Variants in OTOF observed in about 807,000 individuals in gnomAD.
OTOF encodes the protein otoferlin.
OTOF carries 218 observed loss-of-function variants against 236.8 expected under a neutral mutation model. The ratio of observed to expected loss-of-function variants is 0.92; its 90% confidence interval spans 0.82 to 1.03. The LOEUF (loss-of-function observed/expected upper bound fraction) is 1.03, where lower values mean the gene tolerates loss of function less well. Among genes scored for constraint, OTOF ranks in the 50% least tolerant of loss-of-function variants. The probability of loss-of-function intolerance (pLI) is 0.00; values close to 1 mark genes in which losing one functional copy is unlikely to be tolerated. For synonymous variants in OTOF, 1,041 were observed against 1,072.5 expected, an observed-to-expected ratio of 0.97 and a Z score of 0.57; for missense variants, 2,590 against 2,694.4, an observed-to-expected ratio of 0.96 and a Z score of 0.86.
At chr2:26,551,684 G>C (rs1013836979) in intron 1 of OTOF, among the ~76,000 whole-genome samples, 8 of 152,184 alleles carry the variant, frequency 5.3e-5, no homozygotes, top group African/African-American at 1.9e-4. Flanking sequence ...TCAACAGAAC[G>C]AGTGGATAAA....
chr2:26,494,663 G>T (rs984585587), intron 9 of OTOF, among the ~76,000 whole-genome samples: 64 of 142,560 alleles, frequency 4.5e-4, no homozygotes, highest in Admixed American at 1.2e-3. Context: ...GGGTGGGGGG[G>T]GGTTCTTTCA....
At chr2:26,503,669 A>C in intron 6 of OTOF, 103 bp downstream of exon 6, 1 of 989,528 alleles carries the variant, frequency 1.0e-6, no homozygotes, top group South Asian at 1.3e-5. Context: ...CCCTGGGACG[A>C]CCTATCCCAG....
intron 1 of OTOF, among the ~76,000 whole-genome samples, chr2:26,544,421 G>T (rs1667281168): frequency 6.6e-6 from 1 of 152,158 alleles, no homozygotes; most frequent in Non-Finnish European, 1.5e-5. Context: ...TCATATAAAA[G>T]GTATCCTACA....
Position 26,484,717 on chromosome 2 carries a change from G to A in OTOF, c.1046-84C>T. ...GCTCAGGGCAGGCCAAGGGGTGGCA[G>A]AACCAAATGCTGTCTTGGTCCCTAG... On this transcript the variant is annotated intron_variant, in intron 11 of 46. Coordinates refer to ENST00000272371, the MANE Select transcript of OTOF (RefSeq NM_194248.3). 11 of 1,420,796 alleles carry A rather than the reference G, an allele frequency of 7.7e-6. No homozygotes were observed. In the South Asian group the frequency reaches 1.3e-4, roughly 17 times the overall value. 88.0% of individuals were successfully genotyped at this position (1,420,796 alleles called of 1,614,324 possible). A position where few individuals can be genotyped will look rare whatever the true frequency, so the allele number is the denominator to read the frequency against.
At chr2:26,468,190 C>T (rs998114762) in intron 33 of OTOF, among the ~76,000 whole-genome samples, 4 of 152,214 alleles carry the variant, frequency 2.6e-5, no homozygotes, top group Admixed American at 6.5e-5. Context: ...AATGTCTGCC[C>T]ATCACTGTGG....
chr2:26,495,061 C>T lies in OTOF; in HGVS notation c.778G>A (p.Val260Met). 3 of 1,614,172 alleles carry T rather than the reference C, an allele frequency of 1.9e-6. No homozygotes were observed. Among genetic ancestry groups the T allele is most frequent in the Middle Eastern group, 1.6e-4 (1 of 6,062 alleles). ...CCCACCAGCTGCCGGGCCTCGATCA[C>T]CGTGATGCTGACCTGCAGGCAGGAG... The part of the protein sequence containing the change: ...RPMDYQVSIT[V>M]IEARQLVGLN... Residue 260 changes from valine (V) to methionine (M), a missense_variant, in exon 9 of 47, where the codon GTG (valine) becomes ATG (methionine). Val to Met is a conservative substitution (Grantham distance 21). Coordinates refer to ENST00000272371, the MANE Select transcript of OTOF (RefSeq NM_194248.3).
At chr2:26,475,533 G>T in intron 24 of OTOF, 40 bp from the exon 25 acceptor site, 2 of 1,576,692 alleles carry the variant, frequency 1.3e-6, no homozygotes, top group Non-Finnish European at 1.7e-6. Context: ...AAGTGACAGA[G>T]GGGGGGGCAG....
At chr2:26,524,747 G>T (rs1371897519) in intron 3 of OTOF, among the ~76,000 whole-genome samples, 1 of 152,162 alleles carries the variant, frequency 6.6e-6, no homozygotes, top group Non-Finnish European at 1.5e-5. Flanking sequence ...TTGGTTTCTG[G>T]GAGTTGGATT....
At chr2:26,534,255 T>C (rs1667014467) in intron 2 of OTOF, among the ~76,000 whole-genome samples, 1 of 152,186 alleles carries the variant, frequency 6.6e-6, no homozygotes, top group Non-Finnish European at 1.5e-5. Context: ...TTGGCACAAG[T>C]ACTATTGTTA....
chr2:26,503,752 T>G lies in OTOF; in HGVS notation c.583+20A>C. The G allele has an allele frequency of 1.2e-6, 2 of 1,608,224 alleles. No homozygotes were observed. The highest frequency in any genetic ancestry group is 1.7e-6 in the Non-Finnish European group (2 of 1,174,874). ...GCCGCGAGGCGCGGGGCTGCGGGGCTCACGCGGCACCTGTCCTACCTGGTC... is the reference window on the plus strand; with the variant it reads ...GCCGCGAGGCGCGGGGCTGCGGGGCGCACGCGGCACCTGTCCTACCTGGTC... On this transcript the variant is annotated intron_variant, in intron 6 of 46. Transcript: ENST00000272371.
At chr2:26,491,813 C>T (rs565790672) in intron 9 of OTOF, among the ~76,000 whole-genome samples, 29 of 152,352 alleles carry the variant, frequency 1.9e-4, no homozygotes, top group African/African-American at 5.5e-4. Flanking sequence ...GCCAGGTGCC[C>T]GCAGATGTGC....
At chr2:26,551,608 T>C (rs1042216792) in intron 1 of OTOF, among the ~76,000 whole-genome samples, 5 of 152,180 alleles carry the variant, frequency 3.3e-5, no homozygotes, top group African/African-American at 9.7e-5. Flanking sequence ...TCTTCCCCCT[T>C]TGAGGACAGG....
At chr2:26,478,760 G>A (rs1394767716) in intron 18 of OTOF, among the ~76,000 whole-genome samples, 1 of 151,958 alleles carries the variant, frequency 6.6e-6, no homozygotes, top group Admixed American at 6.6e-5. Flanking sequence ...GTGCAGTGGC[G>A]CCATCTTGGC....
chr2:26,477,925 T>G lies in OTOF; in HGVS notation c.2215-176A>C. 3.3e-6 allele frequency: 5 copies of G among 1,502,124 alleles called. No homozygotes were observed. Among genetic ancestry groups the G allele is most frequent in the Non-Finnish European group, 4.4e-6 (5 of 1,126,508 alleles). 93.0% of individuals were successfully genotyped at this position (1,502,124 alleles called of 1,614,324 possible). On this transcript the variant is annotated intron_variant, in intron 18 of 46. Transcript: ENST00000272371. This position sits in a 1 kb window ranked among gnomAD's most constrained non-coding sequence, Gnocchi z 4.7. ...GTCATCAATTTCCCAGGTTCTGTTC[T>G]CAGAACCTGGAGATGTTGGTGTTCA...
In OTOF at chr2:26,462,006, C is replaced by T. The variant is rs1664488675; in HGVS notation, c.5292-69G>A. 1 of 1,613,226 alleles carries T rather than the reference C, an allele frequency of 6.2e-7. No homozygotes were observed. Among genetic ancestry groups the T allele is most frequent in the South Asian group, 1.1e-5 (1 of 91,066 alleles). On this transcript the variant is annotated intron_variant, in intron 42 of 46. Transcript: ENST00000272371. This position sits in a 1 kb window ranked among gnomAD's most constrained non-coding sequence, Gnocchi z 4.7. The stretch of plus-strand genomic sequence containing the variant: ...CCTCTCCCACCCACAGCCACCTTCC[C>T]TCTGCCTCCTCTCCTGCCCCCCGGG...
chr2:26,546,748 G>GT (rs35627471), intron 1 of OTOF, among the ~76,000 whole-genome samples: 56,063 of 141,978 alleles, frequency 0.39, 12,832 homozygotes, highest in Non-Finnish European at 0.52. Flanking sequence ...TACATGTTTG[G>GT]TTTTTTTTTT....
chr2:26,506,191 G>A (rs192591329), intron 5 of OTOF, among the ~76,000 whole-genome samples: 176 of 152,300 alleles, frequency 1.2e-3, no homozygotes, highest in African/African-American at 4.1e-3. Flanking sequence ...CTGTCTCAGT[G>A]CTTGGGATTC....
Position 26,473,895 on chromosome 2 carries a change from T to C in OTOF, c.3408+96A>G. ...GGAGCCTGGGTCTGCTGCTGGCTCC[T>C]GGTGATGGTGGTGGGAGGGGGATGA... On this transcript the variant is annotated intron_variant, in intron 27 of 46. Transcript: ENST00000272371. The surrounding 1 kb of genome is among the most constrained non-coding windows in gnomAD (Gnocchi z 7.2). 1 of 1,523,226 alleles carries C rather than the reference T, an allele frequency of 6.6e-7. No homozygotes were observed. Among genetic ancestry groups the C allele is most frequent in the Non-Finnish European group, 9.1e-7 (1 of 1,099,576 alleles). The allele number at this position is 1,523,226 out of a possible 1,614,324, so 94.4% of individuals were successfully genotyped here. A position where few individuals can be genotyped will look rare whatever the true frequency, so the allele number is the denominator to read the frequency against.
At chr2:26,480,389 C>G in intron 15 of OTOF, 78 bp from the exon 16 acceptor site, 1 of 902,302 alleles carries the variant, frequency 1.1e-6, no homozygotes, top group Non-Finnish European at 1.8e-6. Flanking sequence ...TTCCGTCTCA[C>G]AGACAGGCCG....
Sources: gnomAD v4.1 joint callset for allele counts (sites outside exome capture counted in the v4.1 genomes callset) on GRCh38, gnomAD v4.1.1 for gene constraint, Gnocchi (gnomAD v3.1) non-coding constraint, MANE v1.5 for transcripts, NCBI Gene and HGNC (gene_info 2026-07-23, HGNC 2026-07-21) for gene names.